Variants in RADIL observed in about 807,000 individuals in gnomAD.
RADIL encodes the protein Rap associating with DIL domain, also known as ras-associating and dilute domain-containing protein.
In RADIL, 99 loss-of-function variants were observed where a neutral mutation model predicts 97.6. That is an observed-to-expected ratio of 1.01 (90% CI 0.86 to 1.20). The LOEUF (loss-of-function observed/expected upper bound fraction) is 1.20, where lower values mean the gene tolerates loss of function less well. RADIL is among the 50% of genes most tolerant of loss of function. The pLI is 0.00. For synonymous variants in RADIL, 803 were observed against 691.8 expected (o/e 1.16, Z -2.52); for missense variants, 1,765 against 1,498.9 (o/e 1.18, Z -2.93).
At position 4,800,293 on chromosome 7, in the gene RADIL, CA is replaced by C; in HGVS notation, c.2859del (p.Ala954ArgfsTer37). 6.7e-7 allele frequency: 1 copy of C among 1,495,236 alleles called. No individual in the cohort carries two copies. The highest frequency in any genetic ancestry group is 8.9e-7 in the Non-Finnish European group (1 of 1,124,138). The allele number at this position is 1,495,236 out of a possible 1,614,324, so 92.6% of individuals were successfully genotyped here. On this transcript the variant is annotated frameshift_variant, in exon 13 of 15. Coordinates refer to ENST00000399583, the MANE Select transcript of RADIL (RefSeq NM_018059.5). LOFTEE classifies it high-confidence loss of function. ...GAAPEGDSAA[L>X]AEESPPAPSS... Reference sequence around the variant, plus strand: ...GACGGGGCTGGAGGGGACTCCTCCGCAAGGGCTGCAGAGTCTCCTGGGTGGG... The same window carrying C: ...GACGGGGCTGGAGGGGACTCCTCCGCAGGGCTGCAGAGTCTCCTGGGTGGG...
rs1180734955 is a variant in RADIL, at chr7:4,814,016, G to A, written c.2139+1262C>T. 6.6e-6 allele frequency among the ~76,000 whole-genome samples: 1 copy of A among 152,108 alleles called. No homozygotes were observed. The highest frequency in any genetic ancestry group is 1.5e-5 in the Non-Finnish European group (1 of 68,032). ...GCTGGTCTCAAACCAATGGCCTCAAGTGATCCTCCCACCTCAGCCTCTCAA... is the reference window on the plus strand; with the variant it reads ...GCTGGTCTCAAACCAATGGCCTCAAATGATCCTCCCACCTCAGCCTCTCAA... On this transcript the variant is annotated intron_variant, in intron 9 of 14. Transcript: ENST00000399583. This position sits in a 1 kb window ranked among gnomAD's most constrained non-coding sequence, Gnocchi z 4.5.
Position 4,818,056 on chromosome 7 carries a change from C to T in RADIL, c.1616-705G>A, listed in dbSNP as rs1421886244. Among the ~76,000 whole-genome samples, 23 of 152,220 alleles carry T rather than the reference C, an allele frequency of 1.5e-4. No homozygotes were observed. The highest frequency in any genetic ancestry group is 4.4e-5 in the Non-Finnish European group (3 of 68,024). On this transcript the variant is annotated intron_variant, in intron 6 of 14. Coordinates refer to ENST00000399583, the MANE Select transcript of RADIL (RefSeq NM_018059.5). The surrounding 1 kb of genome is among the most constrained non-coding windows in gnomAD (Gnocchi z 7.1). ...GGACCCTGGGTGTTCCGCCTTTGGG[C>T]GCCTTCATTCTCTCCTGGGACTGTG...
Position 4,801,828 on chromosome 7 carries a change from G to A in RADIL, c.2667C>T (p.Gly889=), listed in dbSNP as rs1562424683. Residue 889 remains glycine, a synonymous_variant, in exon 12 of 15, where the codon GGC becomes GGT. Transcript: ENST00000399583. ...CCGTGTGCGGGGGGCCAGCCTGGGAGCCCCCACGGCTGGGTTGCCTTCCAG... is the reference window on the plus strand; with the variant it reads ...CCGTGTGCGGGGGGCCAGCCTGGGAACCCCCACGGCTGGGTTGCCTTCCAG... The part of the protein sequence containing the change: ...APPGRQPSRG[G]SQAGPPHTDS... 5 of 1,604,836 alleles carry A rather than the reference G, an allele frequency of 3.1e-6. 1 individual carries two copies. The Admixed American group carries it at 8.5e-5, about 27-fold the overall frequency.
chr7:4,829,228 G>T (rs112751188), intron 5 of RADIL, among the ~76,000 whole-genome samples: 1 of 152,220 alleles, frequency 6.6e-6, no homozygotes, highest in Non-Finnish European at 1.5e-5. Context: ...GCTATCCGGG[G>T]CCTGGCTTCT....
chr7:4,819,818 G>A lies in RADIL; in HGVS notation c.1616-2467C>T, dbSNP rs535010187. 7.9e-5 allele frequency among the ~76,000 whole-genome samples: 12 copies of A among 152,278 alleles called. No homozygotes were observed. The South Asian group carries it at 2.3e-3, about 29-fold the overall frequency. On this transcript the variant is annotated intron_variant, in intron 6 of 14. Coordinates refer to ENST00000399583, the MANE Select transcript of RADIL (RefSeq NM_018059.5). The surrounding 1 kb of genome is among the most constrained non-coding windows in gnomAD (Gnocchi z 5.8). ...GGTGCCTGCCTGGCCCTCGACACCC[G>A]GAGCCTGCAGGCATCCCTGGGCCCT...
chr7:4,806,738 G>A (rs749397520), intron 9 of RADIL, among the ~76,000 whole-genome samples: 3 of 152,216 alleles, frequency 2.0e-5, no homozygotes, highest in Non-Finnish European at 4.4e-5. Context: ...CCACTGCCCT[G>A]CGTGCTGGAA....
Position 4,842,270 on chromosome 7 carries a change from G to T in RADIL, c.536-5665C>A, listed in dbSNP as rs544409475. Among the ~76,000 whole-genome samples, 7 of 152,254 alleles carry T rather than the reference G, an allele frequency of 4.6e-5. No homozygotes were observed. The highest frequency in any genetic ancestry group is 1.7e-4 in the African/African-American group (7 of 41,536). The stretch of plus-strand genomic sequence containing the variant: ...TTCTTCTACTCTCACAGCAGAGGCC[G>T]TAAGGAAAGGAGGGCTGAGCTCCAT... On this transcript the variant is annotated intron_variant, in intron 2 of 14. Coordinates refer to ENST00000399583, the MANE Select transcript of RADIL (RefSeq NM_018059.5). The surrounding 1 kb of genome is among the most constrained non-coding windows in gnomAD (Gnocchi z 4.5).
rs766897372 is a variant in RADIL at position 4,814,426 on chromosome 7, C to T, written c.2139+852G>A. 4.6e-5 allele frequency among the ~76,000 whole-genome samples: 7 copies of T among 152,070 alleles called. No homozygotes were observed. The highest frequency in any genetic ancestry group is 1.0e-4 in the Non-Finnish European group (7 of 68,032). On this transcript the variant is annotated intron_variant, in intron 9 of 14. Transcript: ENST00000399583. The surrounding 1 kb of genome is among the most constrained non-coding windows in gnomAD (Gnocchi z 4.5). ...CTCTGCCTCGCGGGTTCAAGCGATT[C>T]GCCCTGTGGCCACTGTCACCATCAC...
In RADIL at chr7:4,834,885, G is replaced by T. The variant is rs959818948; in HGVS notation, c.1138C>A (p.Arg380=). 6.9e-7 allele frequency: 1 copy of T among 1,448,898 alleles called. No homozygotes were observed. The highest frequency in any genetic ancestry group is 1.5e-5 in the South Asian group (1 of 68,948). 89.8% of individuals were successfully genotyped at this position (1,448,898 alleles called of 1,614,324 possible). ...GCCCCGAGCGCGGCCCCGCACAGCCGGCAGCTCTGCGGCACAGCCCGGAGG... is the reference window on the plus strand; with the variant it reads ...GCCCCGAGCGCGGCCCCGCACAGCCTGCAGCTCTGCGGCACAGCCCGGAGG... ...ARLRAVPQSC[R]LCGAALGARG... Residue 380 remains arginine (R), a synonymous_variant, in exon 4 of 15, where the codon CGG becomes AGG. Transcript: ENST00000399583. This position sits in a 1 kb window ranked among gnomAD's most constrained non-coding sequence, Gnocchi z 6.0.
rs182955389 is a variant in RADIL at position 4,859,742 on chromosome 7, T to G, written c.535+17863A>C. 4.7e-4 allele frequency: 291 copies of G among 614,924 alleles called. No individual in the cohort carries two copies. The African/African-American group carries it at 4.9e-3, about 10-fold the overall frequency. 38.1% of individuals were successfully genotyped at this position (614,924 alleles called of 1,614,324 possible). Reference sequence around the variant, plus strand: ...AGGGAGAACAGGGATACCGGAAAGATCTATACTGATGTTCCCTGAGAGGCC... The same window carrying G: ...AGGGAGAACAGGGATACCGGAAAGAGCTATACTGATGTTCCCTGAGAGGCC... On this transcript the variant is annotated intron_variant, in intron 2 of 14. Transcript: ENST00000399583.
chr7:4,809,744 G>A (rs1439920874), intron 9 of RADIL: 4 of 612,470 alleles, frequency 6.5e-6, no homozygotes, highest in South Asian at 7.2e-5. Context: ...GTGCAGTGGC[G>A]TGATCTCGGC....
chr7:4,835,939 G>A lies in RADIL; in HGVS notation c.783+419C>T, dbSNP rs140952893. Among the ~76,000 whole-genome samples the A allele has an allele frequency of 2.1e-3, 319 of 152,320 alleles. 7 individuals are homozygous for A. In the South Asian group the frequency reaches 0.032, roughly 15 times the overall value. On this transcript the variant is annotated intron_variant, in intron 3 of 14. Coordinates refer to ENST00000399583, the MANE Select transcript of RADIL (RefSeq NM_018059.5). The surrounding 1 kb of genome is among the most constrained non-coding windows in gnomAD (Gnocchi z 5.8). The stretch of plus-strand genomic sequence containing the variant: ...ATAGGGGTGGCATGGGCCTTTGCTC[G>A]GTGCCCCTTCAGAGAATGTGGCCAC...
chr7:4,804,869 G>A (rs1782241985), intron 10 of RADIL, among the ~76,000 whole-genome samples: 1 of 151,850 alleles, frequency 6.6e-6, no homozygotes, highest in Non-Finnish European at 1.5e-5. Flanking sequence ...GCTGAGGTGG[G>A]CGAATCACCT....
rs760747504 is a variant in RADIL, at chr7:4,861,408, A to G, written c.535+16197T>C. 8.1e-6 allele frequency: 13 copies of G among 1,614,098 alleles called. No individual in the cohort carries two copies. The East Asian group carries it at 2.9e-4, about 36-fold the overall frequency. ...TCCTCCTGTAGTTTCAGTTTAGCATAGAATGAGGTGAAAAAGTCGCTTCGA... is the reference window on the plus strand; with the variant it reads ...TCCTCCTGTAGTTTCAGTTTAGCATGGAATGAGGTGAAAAAGTCGCTTCGA... On this transcript the variant is annotated intron_variant, in intron 2 of 14. Transcript: ENST00000399583.
In RADIL at chr7:4,818,418, G is replaced by C. The variant is rs995641945; in HGVS notation, c.1616-1067C>G. ...TGCCGCTCCTGGTGCTCCTCCTTCA[G>C]GGGCTTGGGGCTGCCTGGCCCCCAC... On this transcript the variant is annotated intron_variant, in intron 6 of 14. Transcript: ENST00000399583. This position sits in a 1 kb window ranked among gnomAD's most constrained non-coding sequence, Gnocchi z 7.1. Among the ~76,000 whole-genome samples the C allele has an allele frequency of 8.5e-5, 13 of 152,196 alleles. No homozygotes were observed. The highest frequency in any genetic ancestry group is 2.7e-4 in the African/African-American group (11 of 41,456).
At chr7:4,869,990 T>G (rs1164501658) in intron 2 of RADIL, among the ~76,000 whole-genome samples, 1 of 151,942 alleles carries the variant, frequency 6.6e-6, no homozygotes, top group Non-Finnish European at 1.5e-5. Flanking sequence ...AATAAAGAAA[T>G]AAGTCGAGTG....
intron 10 of RADIL, 94 bp from the exon 11 acceptor site, chr7:4,803,848 G>C (rs1449246031): frequency 6.0e-6 from 7 of 1,162,084 alleles, no homozygotes; most frequent in Non-Finnish European, 8.8e-6. Flanking sequence ...CCAGGGGCCA[G>C]CAGATTGAGC....
At chr7:4,860,450 C>G (rs376338742) in intron 2 of RADIL, 22 of 1,614,064 alleles carry the variant, frequency 1.4e-5, no homozygotes, top group Non-Finnish European at 1.9e-5. Context: ...GAGATCAATG[C>G]TGAGAATTTC....
chr7:4,809,004 T>G, intron 9 of RADIL: 1 of 425,878 alleles, frequency 2.3e-6, no homozygotes. Flanking sequence ...CGCGTCCCCT[T>G]CCGACGCCAC....
Sources: gnomAD v4.1 joint callset for allele counts (sites outside exome capture counted in the v4.1 genomes callset) on GRCh38, gnomAD v4.1.1 for gene constraint, Gnocchi (gnomAD v3.1) non-coding constraint, MANE v1.5 for transcripts, NCBI Gene and HGNC (gene_info 2026-07-23, HGNC 2026-07-21) for gene names.